The following EYS variants were observed in gnomAD, a reference collection of about 807,000 sequenced individuals.
EYS encodes EGF-like photoreceptor maintenance factor.
EYS carries 250 observed loss-of-function variants against 282.1 expected under a neutral mutation model. The ratio of observed to expected loss-of-function variants is 0.89; its 90% CI spans 0.80 to 0.98. The LOEUF (loss-of-function observed/expected upper bound fraction) is 0.98, where lower values mean the gene tolerates loss of function less well. EYS is among the 50% of genes least tolerant of loss of function. The pLI, the probability that EYS is intolerant of heterozygous loss-of-function variation, is 0.00. For missense variants in EYS, 4,016 were observed against 3,709.0 expected, an observed-to-expected ratio of 1.08 and a Z score of -2.15; for synonymous variants, 1,355 against 1,282.9, an observed-to-expected ratio of 1.06 and a Z score of -1.20.
intron 37 of EYS, among the ~76,000 whole-genome samples, chr6:63,791,022 G>C (rs922446617): frequency 3.3e-5 from 5 of 152,178 alleles, no homozygotes; most frequent in Admixed American, 3.3e-4. Context: ...GCCTGGTCAG[G>C]AGGAGATAGG....
intron 13 of EYS, among the ~76,000 whole-genome samples, chr6:64,997,999 C>T (rs1771331396): frequency 6.6e-6 from 1 of 152,054 alleles, no homozygotes; most frequent in Non-Finnish European, 1.5e-5. Context: ...TACTTGCTCT[C>T]TCTTGTTTTT....
intron 5 of EYS, among the ~76,000 whole-genome samples, chr6:65,427,692 C>T (rs1453043239): frequency 6.6e-6 from 1 of 151,912 alleles, no homozygotes. Context: ...AGAAGTACCC[C>T]ACTGAATGCT....
chr6:63,884,572 A>G (rs956813885), intron 35 of EYS, among the ~76,000 whole-genome samples: 3 of 152,148 alleles, frequency 2.0e-5, no homozygotes, highest in African/African-American at 7.2e-5. Flanking sequence ...TTTATTTTAA[A>G]AATCTTGACC....
intron 26 of EYS, among the ~76,000 whole-genome samples, chr6:64,461,488 G>A (rs1007972545): frequency 4.6e-5 from 7 of 152,154 alleles, no homozygotes; most frequent in African/African-American, 1.7e-4. Context: ...ATGACTAGCA[G>A]GGGTTTATAT....
At chr6:63,997,413 T>C (rs1436808380) in intron 34 of EYS, among the ~76,000 whole-genome samples, 1 of 152,096 alleles carries the variant, frequency 6.6e-6, no homozygotes, top group African/African-American at 2.4e-5. Flanking sequence ...AGCTTTGGGG[T>C]TAACACAAGT....
intron 36 of EYS, among the ~76,000 whole-genome samples, chr6:63,844,904 T>C (rs926329605): frequency 2.6e-5 from 4 of 152,222 alleles, no homozygotes; most frequent in African/African-American, 9.6e-5. Context: ...TTGCAATTGC[T>C]TTTGATGTTT....
rs996369343 is a variant in EYS at position 64,827,736 on chromosome 6, C to T, written c.2993-4914G>A. 8.6e-4 allele frequency among the ~76,000 whole-genome samples: 131 copies of T among 151,882 alleles called. 1 individual carries two copies. Among genetic ancestry groups the T allele is most frequent in the Non-Finnish European group, 2.9e-4 (20 of 67,878 alleles). On this transcript the variant is annotated intron_variant, in intron 19 of 42. Coordinates refer to ENST00000503581, the MANE Select transcript of EYS (RefSeq NM_001142800.2). ...CAAAATGAGAGTTTTGTAAACGTTT[C>T]TTATTATGAACAATATTTAAATTAA... is the stretch of plus-strand genomic sequence containing the variant.
chr6:64,561,329 A>C (rs1318684743), intron 26 of EYS, among the ~76,000 whole-genome samples: 1 of 152,124 alleles, frequency 6.6e-6, no homozygotes, highest in African/African-American at 2.4e-5. Context: ...AGCCAGAAAA[A>C]TAAGGCAAGA....
At chr6:65,558,516 C>T (rs138838893) in intron 2 of EYS, among the ~76,000 whole-genome samples, 88 of 152,234 alleles carry the variant, frequency 5.8e-4, no homozygotes, top group African/African-American at 2.0e-3. Flanking sequence ...GGGTGGCTGC[C>T]GCTGCACCTG....
intron 8 of EYS, among the ~76,000 whole-genome samples, chr6:65,358,595 C>A (rs1764582091): frequency 1.0e-5 from 1 of 95,558 alleles, no homozygotes; most frequent in South Asian, 4.2e-4. Context: ...CTGTAGGTTT[C>A]TGAAGTGTGT....
chr6:64,891,334 G>A lies in EYS; in HGVS notation c.2847-4492C>T, dbSNP rs190209650. On this transcript the variant is annotated intron_variant, in intron 18 of 42. Coordinates refer to ENST00000503581, the MANE Select transcript of EYS (RefSeq NM_001142800.2). ...GCAACTACCTTTAATCCTTGTCTCT[G>A]CTTTCCCAGAAAAATTTAAATGTTT... Among the ~76,000 whole-genome samples the A allele has an allele frequency of 3.3e-5, 5 of 152,092 alleles. No homozygotes were observed. The South Asian group carries it at 6.2e-4, about 19-fold the overall frequency.
chr6:65,319,132 G>T (rs1314499453), intron 11 of EYS, among the ~76,000 whole-genome samples: 2 of 145,974 alleles, frequency 1.4e-5, no homozygotes, highest in Non-Finnish European at 3.0e-5. Context: ...GCCAAGGCAG[G>T]TGGATCACTT....
At chr6:64,241,161 G>A (rs1339187823) in intron 30 of EYS, among the ~76,000 whole-genome samples, 1 of 152,048 alleles carries the variant, frequency 6.6e-6, no homozygotes, top group East Asian at 1.9e-4. Context: ...TTTTATTTAG[G>A]ATTTTCACAT....
intron 26 of EYS, among the ~76,000 whole-genome samples, chr6:64,494,945 T>C (rs538431456): frequency 1.3e-5 from 2 of 151,786 alleles, no homozygotes; most frequent in East Asian, 3.9e-4. Flanking sequence ...ATCACCACTA[T>C]TGATTATTAT....
chr6:65,306,071 C>T (rs1482504188), intron 11 of EYS, among the ~76,000 whole-genome samples: 1 of 152,048 alleles, frequency 6.6e-6, no homozygotes, highest in Admixed American at 6.5e-5. Context: ...AAGGAATAAG[C>T]ATGATGGAAA....
At chr6:64,754,290 C>A (rs1007041000) in intron 22 of EYS, among the ~76,000 whole-genome samples, 13 of 151,742 alleles carry the variant, frequency 8.6e-5, no homozygotes, top group African/African-American at 2.9e-4. Context: ...AATATTGAAC[C>A]AGGAAGAAAC....
At chr6:63,946,257 T>A (rs1765393981) in intron 35 of EYS, among the ~76,000 whole-genome samples, 2 of 152,186 alleles carry the variant, frequency 1.3e-5, no homozygotes. Flanking sequence ...ACTGTATTCA[T>A]TTGGTTTTAT....
At chr6:65,042,277 A>G (rs1310296730) in intron 13 of EYS, among the ~76,000 whole-genome samples, 1 of 151,608 alleles carries the variant, frequency 6.6e-6, no homozygotes, top group Admixed American at 6.6e-5. Context: ...TAGATTGAAT[A>G]AAGCTGGGCC....
chr6:63,954,013 A>T (rs181129964), intron 35 of EYS, among the ~76,000 whole-genome samples: 1 of 152,280 alleles, frequency 6.6e-6, no homozygotes, highest in East Asian at 1.9e-4. Flanking sequence ...CTCACACCTG[A>T]TGCATATACT....
Sources: gnomAD v4.1 joint callset for allele counts (sites outside exome capture counted in the v4.1 genomes callset) on GRCh38, gnomAD v4.1.1 for gene constraint, MANE v1.5 for transcripts, NCBI Gene and HGNC (gene_info 2026-07-23, HGNC 2026-07-21) for gene names.